ISM1: variants seen among roughly 807,000 people sequenced by gnomAD.
The protein encoded by ISM1 is isthmin-1.
ISM1 carries 25 observed loss-of-function variants against 46.3 expected under a neutral mutation model. That is an observed-to-expected ratio of 0.54 (90% CI 0.39 to 0.75). The LOEUF (loss-of-function observed/expected upper bound fraction) is 0.75, where lower values mean the gene tolerates loss of function less well. Among genes scored for constraint, ISM1 ranks in the 30% least tolerant of loss-of-function variants. ISM1 has a pLI of 0.00. For synonymous variants in ISM1, 255 were observed against 256.7 expected, an observed-to-expected ratio of 0.99 and a Z score of 0.06; for missense variants, 536 against 625.4, an observed-to-expected ratio of 0.86 and a Z score of 1.52.
At chr20:13,293,266 A>G (rs1322225928) in intron 5 of ISM1, among the ~76,000 whole-genome samples, 2 of 152,074 alleles carry the variant, frequency 1.3e-5, no homozygotes, top group Admixed American at 1.3e-4. Context: ...CTACTTGTCC[A>G]CTAGAAAATG....
intron 5 of ISM1, among the ~76,000 whole-genome samples, chr20:13,298,369 G>T (rs1015781367): frequency 6.6e-6 from 1 of 152,200 alleles, no homozygotes; most frequent in African/African-American, 2.4e-5. Context: ...GCCCGCCTCA[G>T]CCTCCCAAAG....
At chr20:13,310,429 A>C in the ISM1 span, among the ~76,000 whole-genome samples, 4 of 152,206 alleles carry the variant, frequency 2.6e-5, no homozygotes, top group Admixed American at 2.6e-4. Flanking sequence ...TCAACTCAAA[A>C]TGGATTAAAG....
chr20:13,286,382 T>A (rs1338771739), intron 3 of ISM1, among the ~76,000 whole-genome samples: 1 of 152,034 alleles, frequency 6.6e-6, no homozygotes, highest in Non-Finnish European at 1.5e-5. Context: ...AACTTGTTTC[T>A]CCAGTCCTAC....
At chr20:13,295,979 T>C (rs2040403161) in intron 5 of ISM1, among the ~76,000 whole-genome samples, 1 of 152,236 alleles carries the variant, frequency 6.6e-6, no homozygotes, top group African/African-American at 2.4e-5. Context: ...AGCAACCTGG[T>C]GTCACGTGCT....
the ISM1 span, among the ~76,000 whole-genome samples, chr20:13,313,890 C>T: frequency 3.9e-5 from 6 of 152,036 alleles, no homozygotes; most frequent in Non-Finnish European, 8.8e-5. Context: ...AAGTTGGCAA[C>T]ATGCAAAAAT....
intron 1 of ISM1, among the ~76,000 whole-genome samples, chr20:13,268,479 C>T (rs1032714686): frequency 6.6e-6 from 1 of 151,814 alleles, no homozygotes; most frequent in Non-Finnish European, 1.5e-5. Context: ...GGGCAACTCC[C>T]TCTACCAGGA....
At chr20:13,262,000 C>G (rs1050410114) in intron 1 of ISM1, among the ~76,000 whole-genome samples, 2 of 152,160 alleles carry the variant, frequency 1.3e-5, no homozygotes, top group Non-Finnish European at 2.9e-5. Flanking sequence ...GTTCGACACC[C>G]GTTCCCTCTG....
intron 1 of ISM1, among the ~76,000 whole-genome samples, chr20:13,259,779 G>A (rs925384435): frequency 1.3e-5 from 2 of 152,168 alleles, no homozygotes; most frequent in Non-Finnish European, 2.9e-5. Flanking sequence ...GAAATAATAA[G>A]CCAAGTGAAG....
At chr20:13,298,781 G>T (rs1173635105) in intron 5 of ISM1, among the ~76,000 whole-genome samples, 161 bp from the exon 6 acceptor site, 2 of 152,138 alleles carry the variant, frequency 1.3e-5, no homozygotes, top group Non-Finnish European at 2.9e-5. Flanking sequence ...GGCTGCAGGG[G>T]TGTCTGGCTC....
intron 1 of ISM1, among the ~76,000 whole-genome samples, chr20:13,246,055 G>C (rs911050665): frequency 6.6e-6 from 1 of 152,192 alleles, no homozygotes; most frequent in African/African-American, 2.4e-5. Flanking sequence ...ATCACTTGAA[G>C]TCAGGCGTTC....
the ISM1 span, among the ~76,000 whole-genome samples, chr20:13,323,327 A>G: frequency 6.6e-6 from 1 of 152,180 alleles, no homozygotes; most frequent in Non-Finnish European, 1.5e-5. Flanking sequence ...TGGAAACACA[A>G]TGACTCAGGC....
chr20:13,317,973 T>C, the ISM1 span, among the ~76,000 whole-genome samples: 2 of 151,998 alleles, frequency 1.3e-5, no homozygotes, highest in South Asian at 4.1e-4. Context: ...AACTTTTTTG[T>C]TCTGTGAAAG....
chr20:13,255,599 G>A (rs548545429), intron 1 of ISM1, among the ~76,000 whole-genome samples: 1 of 152,134 alleles, frequency 6.6e-6, no homozygotes, highest in African/African-American at 2.4e-5. Flanking sequence ...GGGAAGGAAA[G>A]ACTTTGCAGG....
chr20:13,233,406 A>G (rs1356789512), intron 1 of ISM1, among the ~76,000 whole-genome samples: 3 of 151,664 alleles, frequency 2.0e-5, no homozygotes, highest in Non-Finnish European at 4.4e-5. Flanking sequence ...GACCAGCCTG[A>G]CCAACATGGA....
intron 1 of ISM1, among the ~76,000 whole-genome samples, chr20:13,257,378 G>T (rs1007274946): frequency 6.6e-6 from 1 of 152,122 alleles, no homozygotes; most frequent in Non-Finnish European, 1.5e-5. Context: ...TTAGCCAAGC[G>T]TGGTGGTGGA....
chr20:13,242,500 A>G (rs1248256921), intron 1 of ISM1, among the ~76,000 whole-genome samples: 1 of 152,174 alleles, frequency 6.6e-6, no homozygotes, highest in Non-Finnish European at 1.5e-5. Flanking sequence ...ATGGAGGAAA[A>G]GCCCGAGAAG....
chr20:13,250,701 A>G (rs1166826044), intron 1 of ISM1, among the ~76,000 whole-genome samples: 4 of 152,184 alleles, frequency 2.6e-5, no homozygotes, highest in South Asian at 2.1e-4. Context: ...ATTCGTGTCT[A>G]TCTTGCTCCC....
At chr20:13,237,030 C>G (rs1472202832) in intron 1 of ISM1, among the ~76,000 whole-genome samples, 1 of 152,194 alleles carries the variant, frequency 6.6e-6, no homozygotes, top group African/African-American at 2.4e-5. Context: ...TAGGCAGTGC[C>G]CAAGTAGGGA....
chr20:13,313,348 A>G, the ISM1 span, among the ~76,000 whole-genome samples: 126 of 152,346 alleles, frequency 8.3e-4, 1 homozygote, highest in African/African-American at 2.9e-3. Flanking sequence ...ACCTAACTGG[A>G]TGTGTAAACA....
Sources: gnomAD v4.1 joint callset for allele counts (sites outside exome capture counted in the v4.1 genomes callset) on GRCh38, gnomAD v4.1.1 for gene constraint, MANE v1.5 for transcripts, NCBI Gene and HGNC (gene_info 2026-07-23, HGNC 2026-07-21) for gene names.